The following AKAP6 variants were observed in gnomAD, a reference collection of about 807,000 sequenced individuals.
AKAP6 encodes A-kinase anchoring protein 6.
In AKAP6, 58 loss-of-function variants were observed where a neutral mutation model predicts 188.5. The observed-to-expected ratio is 0.31, with a 90% CI of 0.25 to 0.38. AKAP6 has a LOEUF of 0.38. Among genes scored for constraint, AKAP6 ranks in the 10% least tolerant of loss-of-function variants. The probability of loss-of-function intolerance (pLI) is 1.00; values close to 1 mark genes in which losing one functional copy is unlikely to be tolerated. For synonymous variants in AKAP6, 989 were observed against 998.6 expected (o/e 0.99, Z 0.18); for missense variants, 2,710 against 2,740.0 (o/e 0.99, Z 0.24).
rs1318084106 is a variant in AKAP6, at chr14:32,823,676, C to A, written c.5863C>A (p.Gln1955Lys). Residue 1955 changes from glutamine to lysine, a missense_variant, in exon 13 of 14, where the codon CAA (glutamine) becomes AAA (lysine). Gln to Lys is a moderately conservative substitution (Grantham distance 53). Around this residue, in one of 2 missense-constraint regions of AKAP6, gnomAD observed 2,473 missense variants for 2,426.1 expected, o/e 1.02. Transcript: ENST00000280979. Reference sequence around the variant, plus strand: ...TACTGCTGGCAAGGAATTTGTTTCCCAAGATGTTAGACATCTTCCAAAGAA... The same window carrying A: ...TACTGCTGGCAAGGAATTTGTTTCCAAAGATGTTAGACATCTTCCAAAGAA... ...SNTAGKEFVS[Q>K]DVRHLPKKCP... The A allele has an allele frequency of 3.1e-6, 5 of 1,613,654 alleles. No homozygotes were observed. In the African/African-American group the frequency reaches 6.7e-5, roughly 22 times the overall value.
At position 32,744,754 on chromosome 14, in the gene AKAP6, CT is replaced by C. The variant is rs2031824828; in HGVS notation, c.3372+8876del. Among the ~76,000 whole-genome samples the C allele has an allele frequency of 2.0e-5, 3 of 152,216 alleles. No individual in the cohort carries two copies. In the South Asian group the frequency reaches 6.2e-4, roughly 32 times the overall value. ...AAGGCCAATAACTCTTAGATTGGCC[CT>C]TTTGAGGCAATTTTCTGGACCTTGG... On this transcript the variant is annotated intron_variant, in intron 11 of 13. Coordinates refer to ENST00000280979, the MANE Select transcript of AKAP6 (RefSeq NM_004274.5).
chr14:32,515,254 C>T (rs117564536), intron 2 of AKAP6, among the ~76,000 whole-genome samples: 4,398 of 152,174 alleles, frequency 0.029, 102 homozygotes, highest in Middle Eastern at 0.044. Context: ...ACCAAGAGAA[C>T]GGTGTGGGGG....
intron 1 of AKAP6, among the ~76,000 whole-genome samples, chr14:32,376,418 C>A (rs962148908): frequency 1.3e-5 from 2 of 152,132 alleles, no homozygotes; most frequent in Non-Finnish European, 2.9e-5. Context: ...CCTGTAGTAG[C>A]CCTCCTGTGG....
At position 32,358,089 on chromosome 14, in the gene AKAP6, A is replaced by G. The variant is rs551234966; in HGVS notation, c.-35+28681A>G. Among the ~76,000 whole-genome samples the G allele has an allele frequency of 1.1e-3, 166 of 152,374 alleles. 1 individual carries two copies. The highest frequency in any genetic ancestry group is 3.9e-3 in the African/African-American group (163 of 41,594). ...TCCTACAGAATTGAAAGAGGGCATC[A>G]AAGAGCACCATCTTTAGGTTGTTGC... On this transcript the variant is annotated intron_variant, in intron 1 of 13. Coordinates refer to ENST00000280979, the MANE Select transcript of AKAP6 (RefSeq NM_004274.5).
chr14:32,557,772 T>A (rs558996023), intron 4 of AKAP6, among the ~76,000 whole-genome samples: 1 of 152,334 alleles, frequency 6.6e-6, no homozygotes, highest in South Asian at 2.1e-4. Flanking sequence ...CTAGTCCTCC[T>A]CTTGTCTCTG....
At chr14:32,409,494 C>A (rs574819498) in intron 1 of AKAP6, among the ~76,000 whole-genome samples, 1 of 152,268 alleles carries the variant, frequency 6.6e-6, no homozygotes, top group Admixed American at 6.5e-5. Flanking sequence ...CACAACTGAA[C>A]CATCTTCTTC....
intron 12 of AKAP6, among the ~76,000 whole-genome samples, chr14:32,818,833 G>T (rs931354538): frequency 6.6e-6 from 1 of 152,098 alleles, no homozygotes; most frequent in African/African-American, 2.4e-5. Context: ...GATCCTTGTG[G>T]AAAATCTGTG....
intron 4 of AKAP6, among the ~76,000 whole-genome samples, chr14:32,573,095 G>A (rs954729618): frequency 6.6e-6 from 1 of 152,144 alleles, no homozygotes; most frequent in Non-Finnish European, 1.5e-5. Flanking sequence ...TGGACAGCTT[G>A]TCAGGGAGGC....
chr14:32,640,643 C>T (rs948105748), intron 7 of AKAP6, among the ~76,000 whole-genome samples: 22 of 152,144 alleles, frequency 1.4e-4, no homozygotes, highest in Non-Finnish European at 3.2e-4. Flanking sequence ...CTTGCTCTTG[C>T]CTGTGCTCAC....
Position 32,823,448 on chromosome 14 carries a change from A to G in AKAP6, c.5635A>G (p.Lys1879Glu). 6.2e-7 allele frequency: 1 copy of G among 1,613,472 alleles called. No individual in the cohort carries two copies. The highest frequency in any genetic ancestry group is 8.5e-7 in the Non-Finnish European group (1 of 1,179,838). The change falls in exon 13 of 14, where the codon AAG (lysine) becomes GAG (glutamate). Residue 1879 changes from lysine to glutamate, a missense_variant. Lys to Glu is a moderately conservative substitution (Grantham distance 56, BLOSUM62 1). Around this residue, in one of 2 missense-constraint regions of AKAP6, gnomAD observed 2,473 missense variants for 2,426.1 expected, o/e 1.02. Coordinates refer to ENST00000280979, the MANE Select transcript of AKAP6 (RefSeq NM_004274.5). ...THELGTKREN[K>E]KTIFKVNKDP... ...TGAGTTAGGGACAAAGCGTGAAAAT[A>G]AGAAAACTATTTTCAAAGTTAATAA... is the stretch of plus-strand genomic sequence containing the variant.
chr14:32,718,317 C>T (rs1255935732), intron 9 of AKAP6: 13 of 985,180 alleles, frequency 1.3e-5, no homozygotes, highest in Non-Finnish European at 1.4e-5. Flanking sequence ...GCAGCAGCAG[C>T]GTTTAAGCCT....
rs1365911947 is a variant in AKAP6 at position 32,829,970 on chromosome 14, A to G, written c.*165A>G. On this transcript the variant is annotated 3_prime_UTR_variant, in exon 14 of 14. Coordinates refer to ENST00000280979, the MANE Select transcript of AKAP6 (RefSeq NM_004274.5). ...CTCCCAAGATGAATCTTCCTTCCAAATGTGTTTTCTCCACACAAGCCTTGT... is the reference window on the plus strand; with the variant it reads ...CTCCCAAGATGAATCTTCCTTCCAAGTGTGTTTTCTCCACACAAGCCTTGT... 1.1e-5 allele frequency: 8 copies of G among 702,312 alleles called. No individual in the cohort carries two copies. Among genetic ancestry groups the G allele is most frequent in the African/African-American group, 1.7e-5 (1 of 57,144 alleles). The allele number at this position is 702,312 out of a possible 1,614,324, so 43.5% of individuals were successfully genotyped here.
chr14:32,585,484 CTA>C (rs1251731467), intron 5 of AKAP6, among the ~76,000 whole-genome samples: 3 of 121,732 alleles, frequency 2.5e-5, no homozygotes, highest in African/African-American at 8.4e-5. Flanking sequence ...TGACTATGAA[CTA>C]TATATATGTG....
chr14:32,342,464 C>CA (rs1364465834), intron 1 of AKAP6, among the ~76,000 whole-genome samples: 1 of 152,150 alleles, frequency 6.6e-6, no homozygotes, highest in African/African-American at 2.4e-5. Context: ...AGCTTAAGAT[C>CA]ACCCCATATA....
At chr14:32,339,774 C>T (rs776096097) in intron 1 of AKAP6, among the ~76,000 whole-genome samples, 18 of 152,070 alleles carry the variant, frequency 1.2e-4, no homozygotes, top group Non-Finnish European at 1.9e-4. Flanking sequence ...AGCACAGGAA[C>T]ACAATGATAC....
intron 1 of AKAP6, among the ~76,000 whole-genome samples, chr14:32,390,503 T>C (rs1414124280): frequency 6.6e-6 from 1 of 152,224 alleles, no homozygotes; most frequent in Non-Finnish European, 1.5e-5. Context: ...GGTCTAGGGC[T>C]GAAGGCTGTT....
In AKAP6 at chr14:32,332,225, C is replaced by T. The variant is rs150420663; in HGVS notation, c.-35+2817C>T. Among the ~76,000 whole-genome samples, 476 of 152,218 alleles carry T rather than the reference C, an allele frequency of 3.1e-3. 3 individuals are homozygous for T. The highest frequency in any genetic ancestry group is 0.011 in the African/African-American group (454 of 41,562). On this transcript the variant is annotated intron_variant, in intron 1 of 13. Coordinates refer to ENST00000280979, the MANE Select transcript of AKAP6 (RefSeq NM_004274.5). ...ACCATTGCGATCTGGCTATGCAGCA[C>T]ACATGCTTACCCACGGCCATCTCAG...
At chr14:32,330,829 G>A (rs1321061020) in intron 1 of AKAP6, among the ~76,000 whole-genome samples, 3 of 139,920 alleles carry the variant, frequency 2.1e-5, no homozygotes, top group Non-Finnish European at 3.0e-5. Flanking sequence ...ACCACATCAC[G>A]CACATGCTTG....
chr14:32,620,773 G>A lies in AKAP6; in HGVS notation c.2730+19981G>A, dbSNP rs149011897. Among the ~76,000 whole-genome samples the A allele has an allele frequency of 4.4e-3, 662 of 151,766 alleles. 4 individuals carry two copies. Among genetic ancestry groups the A allele is most frequent in the African/African-American group, 0.015 (642 of 41,420 alleles). On this transcript the variant is annotated intron_variant, in intron 7 of 13. Coordinates refer to ENST00000280979, the MANE Select transcript of AKAP6 (RefSeq NM_004274.5). The stretch of plus-strand genomic sequence containing the variant: ...TTTGAATATCTGGTAGAATTTGGCT[G>A]TGAATCCATTTGACCCAGGGCTTTT...
Sources: gnomAD v4.1 joint callset for allele counts (sites outside exome capture counted in the v4.1 genomes callset) on GRCh38, gnomAD v4.1.1 for gene constraint, gnomAD v4.1.1 regional missense constraint, MANE v1.5 for transcripts, NCBI Gene and HGNC (gene_info 2026-07-23, HGNC 2026-07-21) for gene names.